TANC2: variants seen among roughly 807,000 people sequenced by gnomAD.
The protein encoded by TANC2 is protein TANC2.
Under a neutral mutation model 210.5 loss-of-function variants are expected in TANC2, and 26 were observed. That is an observed-to-expected ratio of 0.12 (90% CI 0.09 to 0.17). The LOEUF (loss-of-function observed/expected upper bound fraction) is 0.17. Among genes scored for constraint, TANC2 ranks in the 10% least tolerant of loss-of-function variants. The probability of loss-of-function intolerance (pLI) is 1.00; values close to 1 mark genes in which losing one functional copy is unlikely to be tolerated. For missense variants in TANC2, 2,129 were observed against 2,608.9 expected, an observed-to-expected ratio of 0.82 and a Z score of 4.01; for synonymous variants, 931 against 967.1, an observed-to-expected ratio of 0.96 and a Z score of 0.69.
At chr17:63,253,606 T>A (rs535672908) in intron 8 of TANC2, among the ~76,000 whole-genome samples, 1 of 152,202 alleles carries the variant, frequency 6.6e-6, no homozygotes. Flanking sequence ...CCATTTTTAT[T>A]TGATTTTTGG....
chr17:63,364,307 A>C (rs970810108), intron 14 of TANC2, among the ~76,000 whole-genome samples: 1 of 152,162 alleles, frequency 6.6e-6, no homozygotes, highest in Non-Finnish European at 1.5e-5. Context: ...AACTGTTCCC[A>C]TCTTTCACCC....
intron 3 of TANC2, among the ~76,000 whole-genome samples, chr17:63,081,415 A>T (rs1373374925): frequency 6.6e-6 from 1 of 152,196 alleles, no homozygotes; most frequent in Non-Finnish European, 1.5e-5. Flanking sequence ...ACCTACATTC[A>T]GTTTGTATCT....
intron 8 of TANC2, among the ~76,000 whole-genome samples, chr17:63,257,655 C>G (rs2043235379): frequency 6.6e-6 from 1 of 152,164 alleles, no homozygotes; most frequent in African/African-American, 2.4e-5. Context: ...CCACCGCACC[C>G]AGCCACAGGT....
chr17:63,216,563 G>T (rs957022120), intron 7 of TANC2, among the ~76,000 whole-genome samples: 21 of 152,182 alleles, frequency 1.4e-4, no homozygotes, highest in African/African-American at 5.1e-4. Flanking sequence ...CTTGCAGCTG[G>T]CATGCAAAGT....
rs1473217114 is a variant in TANC2, at chr17:63,339,920, C to T, written c.1576-181C>T. On this transcript the variant is annotated intron_variant, in intron 11 of 27. Coordinates refer to ENST00000689528, the Ensembl canonical transcript of TANC2. ...AATTTCTGATCTTACATAAATCAGACGTTTTCTGAGTTAGTAGCTTTTATA... is the reference window on the plus strand; with the variant it reads ...AATTTCTGATCTTACATAAATCAGATGTTTTCTGAGTTAGTAGCTTTTATA... Among the ~76,000 whole-genome samples, 5 of 152,034 alleles carry T rather than the reference C, an allele frequency of 3.3e-5. No homozygotes were observed. The East Asian group carries it at 5.8e-4, about 18-fold the overall frequency.
chr17:63,107,684 G>A (rs988387756), intron 4 of TANC2, among the ~76,000 whole-genome samples: 1 of 151,600 alleles, frequency 6.6e-6, no homozygotes, highest in Admixed American at 6.6e-5. Flanking sequence ...CCTTGAAAAC[G>A]TTACACTAAG....
intron 8 of TANC2, among the ~76,000 whole-genome samples, chr17:63,255,887 T>C (rs952019615): frequency 1.3e-5 from 2 of 151,046 alleles, no homozygotes; most frequent in Non-Finnish European, 3.0e-5. Context: ...ATCATTAAGT[T>C]GTTTATTTGA....
intron 9 of TANC2, among the ~76,000 whole-genome samples, chr17:63,275,470 C>T (rs151217506): frequency 1.4e-3 from 219 of 152,176 alleles, no homozygotes; most frequent in African/African-American, 5.1e-3. Flanking sequence ...TTATGAGTCC[C>T]GTACTGTTCT....
chr17:63,198,461 G>T (rs1482973444), intron 6 of TANC2, among the ~76,000 whole-genome samples: 1 of 152,122 alleles, frequency 6.6e-6, no homozygotes, highest in Non-Finnish European at 1.5e-5. Flanking sequence ...CTCCCAAAGT[G>T]CTGGGATTAC....
At chr17:63,278,690 C>T (rs2043968973) in intron 9 of TANC2, among the ~76,000 whole-genome samples, 1 of 152,094 alleles carries the variant, frequency 6.6e-6, no homozygotes, top group Non-Finnish European at 1.5e-5. Context: ...TTTATTGCAG[C>T]ATTATTCACA....
At position 63,134,908 on chromosome 17, in the gene TANC2, G is replaced by T. The variant is rs192767279; in HGVS notation, c.323-16362G>T. ...AAGATTTTTTTCTTCCAATTTAGGG[G>T]GCATACTAACAATTTTGACAACACA... On this transcript the variant is annotated intron_variant, in intron 4 of 27. Coordinates refer to ENST00000689528, the Ensembl canonical transcript of TANC2. Among the ~76,000 whole-genome samples the T allele has an allele frequency of 1.9e-3, 285 of 152,096 alleles. 1 individual carries two copies. Among genetic ancestry groups the T allele is most frequent in the African/African-American group, 6.6e-3 (274 of 41,496 alleles).
At chr17:63,188,517 C>T (rs2041072359) in intron 5 of TANC2, among the ~76,000 whole-genome samples, 1 of 149,214 alleles carries the variant, frequency 6.7e-6, no homozygotes, top group South Asian at 2.1e-4. Context: ...TGCTTAAACC[C>T]AGGAGGCGGA....
chr17:63,062,962 T>C (rs1273447058), intron 2 of TANC2, among the ~76,000 whole-genome samples: 1 of 152,160 alleles, frequency 6.6e-6, no homozygotes, highest in Non-Finnish European at 1.5e-5. Context: ...AAGGGCTCAG[T>C]CCCACAAACA....
rs559414820 is a variant in TANC2 at position 63,319,980 on chromosome 17, A to G, written c.1575+890A>G. Reference sequence around the variant, plus strand: ...ATTTTTATTAGTTTACAAATTATCTATTGCTTCTTATTATGGATGATGGGA... The same window carrying G: ...ATTTTTATTAGTTTACAAATTATCTGTTGCTTCTTATTATGGATGATGGGA... On this transcript the variant is annotated intron_variant, in intron 11 of 27. Transcript: ENST00000689528. 2.9e-3 allele frequency among the ~76,000 whole-genome samples: 445 copies of G among 152,158 alleles called. 1 individual carries two copies. The highest frequency in any genetic ancestry group is 0.01 in the African/African-American group (427 of 41,512).
chr17:63,000,445 T>C (rs955646678), intron 1 of TANC2, among the ~76,000 whole-genome samples: 7 of 152,142 alleles, frequency 4.6e-5, no homozygotes, highest in African/African-American at 1.4e-4. Flanking sequence ...TGATTGCCTG[T>C]TAATAATATA....
chr17:63,205,881 C>G (rs2041694078), intron 7 of TANC2, among the ~76,000 whole-genome samples: 1 of 152,084 alleles, frequency 6.6e-6, no homozygotes. Flanking sequence ...GCACTCCAAC[C>G]TGAGTGACAG....
chr17:63,127,860 C>A (rs141286048), intron 4 of TANC2, among the ~76,000 whole-genome samples: 295 of 152,284 alleles, frequency 1.9e-3, no homozygotes, highest in African/African-American at 6.9e-3. Context: ...CTGACCTTCC[C>A]CTAATCACTT....
intron 5 of TANC2, among the ~76,000 whole-genome samples, chr17:63,193,400 A>C (rs950262697): frequency 6.6e-6 from 1 of 152,146 alleles, no homozygotes; most frequent in African/African-American, 2.4e-5. Flanking sequence ...TTTATTAGAG[A>C]AGTTGATATA....
intron 4 of TANC2, among the ~76,000 whole-genome samples, chr17:63,135,804 A>C (rs1026912090): frequency 6.6e-6 from 1 of 152,240 alleles, no homozygotes; most frequent in Admixed American, 6.5e-5. Flanking sequence ...AATATATCCA[A>C]ACTTTGAAAT....
Sources: allele counts gnomAD v4.1 joint callset (sites outside exome capture counted in the v4.1 genomes callset), GRCh38; gene constraint gnomAD v4.1.1; transcripts MANE v1.5; gene names NCBI Gene and HGNC (gene_info 2026-07-23, HGNC 2026-07-21).